PLCZ1: variants seen among roughly 807,000 people sequenced by gnomAD.
PLCZ1 encodes 1-phosphatidylinositol 4,5-bisphosphate phosphodiesterase zeta-1.
A neutral mutation model predicts 76.8 loss-of-function variants in PLCZ1; 64 were observed. The observed-to-expected ratio is 0.83, with a 90% CI of 0.68 to 1.03. The LOEUF (loss-of-function observed/expected upper bound fraction) is 1.03. PLCZ1 is among the 50% of genes least tolerant of loss of function. The pLI is 0.00. For synonymous variants in PLCZ1, 248 were observed against 230.8 expected (o/e 1.07, Z -0.68); for missense variants, 751 against 713.7 (o/e 1.05, Z -0.60).
the PLCZ1 span, among the ~76,000 whole-genome samples, chr12:18,657,663 T>C: frequency 6.6e-6 from 1 of 152,132 alleles, no homozygotes; most frequent in Non-Finnish European, 1.5e-5. Flanking sequence ...GAGAAGGCAC[T>C]AAACAAACAA....
At chr12:18,665,014 G>A in the PLCZ1 span, among the ~76,000 whole-genome samples, 6 of 108,636 alleles carry the variant, frequency 5.5e-5, no homozygotes, top group East Asian at 3.5e-4. Context: ...TTGTGGGGTG[G>A]GGGGAGGGGG....
chr12:18,693,343 G>T (rs1954431675), intron 12 of PLCZ1: 5 of 1,575,720 alleles, frequency 3.2e-6, no homozygotes, highest in East Asian at 4.5e-5. Flanking sequence ...GATACTGGGG[G>T]GTTGGACAAC....
intron 7 of PLCZ1, among the ~76,000 whole-genome samples, chr12:18,703,307 G>T (rs1048147797): frequency 6.6e-6 from 1 of 151,994 alleles, no homozygotes; most frequent in Non-Finnish European, 1.5e-5. Flanking sequence ...AGCCCTATAT[G>T]TCTTGTCACT....
chr12:18,723,131 T>C (rs1330061032), intron 4 of PLCZ1, among the ~76,000 whole-genome samples, 180 bp downstream of exon 4: 2 of 152,072 alleles, frequency 1.3e-5, no homozygotes, highest in African/African-American at 2.4e-5. Context: ...TTGCATACTA[T>C]AGCATTCTAA....
At chr12:18,683,033 G>A (rs952367994), downstream of PLCZ1, 24 of 552,516 alleles carry the variant, frequency 4.3e-5, 1 homozygote, top group South Asian at 3.9e-4. Context: ...AAACAAGAAC[G>A]CCATGCTGGG....
chr12:18,731,560 C>T (rs192546618), intron 3 of PLCZ1, among the ~76,000 whole-genome samples: 7 of 80,894 alleles, frequency 8.7e-5, no homozygotes, highest in East Asian at 4.2e-4. Flanking sequence ...TTTTTTTTGA[C>T]GCACAAGCCT....
intron 3 of PLCZ1, among the ~76,000 whole-genome samples, chr12:18,734,997 T>C (rs560287939): frequency 2.0e-5 from 3 of 152,326 alleles, no homozygotes; most frequent in African/African-American, 7.2e-5. Flanking sequence ...GCTTTTTCTA[T>C]ATTTTTGAGA....
At chr12:18,685,932 A>G (rs1045463737) in intron 13 of PLCZ1, among the ~76,000 whole-genome samples, 1 of 152,014 alleles carries the variant, frequency 6.6e-6, no homozygotes, top group Non-Finnish European at 1.5e-5. Context: ...CATAAAAAAA[A>G]GTAAACCAGG....
chr12:18,699,942 C>A lies in PLCZ1; in HGVS notation c.1026G>T (p.Lys342Asn). The change falls in exon 10 of 15, where the codon AAG (lysine) becomes AAT (asparagine). Residue 342 changes from lysine (K) to asparagine (N), a missense_variant. Coordinates refer to ENST00000266505, the MANE Select transcript of PLCZ1 (RefSeq NM_033123.4). ...CAGATAAGGCCAGAGCAATTTTTAG[C>A]TTCCTGGTCTAAAAATAAAATGCAG... ...VMLFKKKKTR[K>N]LKIALALSDL... The A allele has an allele frequency of 3.1e-6, 5 of 1,609,104 alleles. No homozygotes were observed. Among genetic ancestry groups the A allele is most frequent in the Non-Finnish European group, 4.2e-6 (5 of 1,177,928 alleles).
intron 2 of PLCZ1, chr12:18,736,742 C>G (rs1179609325): frequency 8.4e-7 from 1 of 1,186,914 alleles, no homozygotes; most frequent in Non-Finnish European, 1.1e-6. Context: ...GCAAATTAAC[C>G]CTGAATCTTA....
intron 7 of PLCZ1, among the ~76,000 whole-genome samples, chr12:18,702,603 T>A (rs1369660720): frequency 6.6e-6 from 1 of 152,148 alleles, no homozygotes; most frequent in Admixed American, 6.5e-5. Context: ...ATGACCCTTA[T>A]GATACTCTCC....
chr12:18,688,204 G>A lies in PLCZ1; in HGVS notation c.1476C>T (p.Ile492=), dbSNP rs1329963151. ...ITLTIRLISG[I]QLPLTHSSSN... is the part of the protein sequence containing the mutation. ...ATGATGAATGAGTAAGAGGCAACTG[G>A]ATACCACTGATGAGCTGCACAAATA... Residue 492 remains isoleucine (I), a synonymous_variant, in exon 13 of 15, where the codon ATC becomes ATT. Coordinates refer to ENST00000266505, the MANE Select transcript of PLCZ1 (RefSeq NM_033123.4). The A allele has an allele frequency of 6.2e-7, 1 of 1,609,038 alleles. No homozygotes were observed. Among genetic ancestry groups the A allele is most frequent in the Non-Finnish European group, 8.5e-7 (1 of 1,177,812 alleles).
the PLCZ1 span, among the ~76,000 whole-genome samples, chr12:18,652,335 AT>A: frequency 2.0e-5 from 3 of 152,138 alleles, no homozygotes; most frequent in Non-Finnish European, 4.4e-5. Flanking sequence ...AAAATGTCAT[AT>A]AAACATGAAG....
chr12:18,721,950 CTA>C (rs1399867969), intron 4 of PLCZ1, among the ~76,000 whole-genome samples: 2 of 152,104 alleles, frequency 1.3e-5, no homozygotes, highest in Non-Finnish European at 2.9e-5. Context: ...CTATAAGAAC[CTA>C]TATGGTTTGA....
chr12:18,720,860 A>G (rs1006446140), intron 4 of PLCZ1, among the ~76,000 whole-genome samples: 1 of 152,138 alleles, frequency 6.6e-6, no homozygotes, highest in African/African-American at 2.4e-5. Flanking sequence ...CTAAGCAGCC[A>G]TTAAGAATAA....
chr12:18,730,243 A>G (rs1958968016), intron 3 of PLCZ1, among the ~76,000 whole-genome samples: 1 of 150,894 alleles, frequency 6.6e-6, no homozygotes, highest in African/African-American at 2.4e-5. Flanking sequence ...ATAAAATGAG[A>G]AAAAATTAGC....
intron 10 of PLCZ1, among the ~76,000 whole-genome samples, chr12:18,696,837 G>A (rs1592078312): frequency 6.6e-6 from 1 of 152,112 alleles, no homozygotes; most frequent in Middle Eastern, 3.4e-3. Context: ...TATTCAATCT[G>A]TGTTTACATG....
Position 18,723,518 on chromosome 12 carries a change from T to C in PLCZ1, c.160A>G (p.Arg54Gly), listed in dbSNP as rs1406418781. 6.2e-7 allele frequency: 1 copy of C among 1,612,468 alleles called. No individual in the cohort carries two copies. The highest frequency in any genetic ancestry group is 1.7e-5 in the Admixed American group (1 of 59,868). The change falls in exon 4 of 15, where the codon AGA becomes GGA. Residue 54 changes from arginine to glycine, a missense_variant. By Grantham distance (125) the Arg-to-Gly change is moderately radical. Coordinates refer to ENST00000266505, the MANE Select transcript of PLCZ1 (RefSeq NM_033123.4). ...FKDNDRLKQG[R>G]ITIEEFRAIY... is the part of the protein sequence containing the mutation. ...GCTCTAAATTCTTCTATGGTGATTC[T>C]TCCTTGTTTCAGCCTGTCATTGTCC...
chr12:18,684,288 T>C lies in PLCZ1; in HGVS notation c.1592-9A>G, dbSNP rs1478632259. 3.8e-6 allele frequency: 6 copies of C among 1,594,348 alleles called. No homozygotes were observed. The highest frequency in any genetic ancestry group is 5.1e-6 in the Non-Finnish European group (6 of 1,165,080). On this transcript the variant is annotated splice_polypyrimidine_tract_variant and intron_variant, in intron 13 of 14. Coordinates refer to ENST00000266505, the MANE Select transcript of PLCZ1 (RefSeq NM_033123.4). ...CCATCTTGGACTAAAAGCTGAAATA[T>C]AAAAAAAGAAGATACAAAGAATAAT... is the stretch of plus-strand genomic sequence containing the variant.
Sources: gnomAD v4.1 joint callset for allele counts (sites outside exome capture counted in the v4.1 genomes callset) on GRCh38, gnomAD v4.1.1 for gene constraint, MANE v1.5 for transcripts, NCBI Gene and HGNC (gene_info 2026-07-23, HGNC 2026-07-21) for gene names.